IWS1: variants seen among roughly 807,000 people sequenced by gnomAD.
IWS1 encodes protein IWS1 homolog.
In IWS1, 27 loss-of-function variants were observed where a neutral mutation model predicts 86.7. That is an observed-to-expected ratio of 0.31 (90% CI 0.23 to 0.43). IWS1 has a LOEUF of 0.43. Among genes scored for constraint, IWS1 ranks in the 20% least tolerant of loss-of-function variants. The probability of loss-of-function intolerance (pLI) is 1.00; values close to 1 mark genes in which losing one functional copy is unlikely to be tolerated. For synonymous variants in IWS1, 313 were observed against 335.1 expected, an observed-to-expected ratio of 0.93 and a Z score of 0.72; for missense variants, 827 against 1,000.8, an observed-to-expected ratio of 0.83 and a Z score of 2.34.
At chr2:127,497,893 G>A (rs1401737463) in intron 6 of IWS1, among the ~76,000 whole-genome samples, 2 of 152,166 alleles carry the variant, frequency 1.3e-5, no homozygotes, top group Admixed American at 6.5e-5. Context: ...TTTACTTGGT[G>A]AGCCATAAAT....
intron 5 of IWS1, among the ~76,000 whole-genome samples, chr2:127,500,323 TTC>T (rs1294805441): frequency 1.3e-5 from 2 of 152,222 alleles, no homozygotes; most frequent in African/African-American, 4.8e-5. Context: ...GATCTGCTTC[TTC>T]TGTCAGTTAC....
chr2:127,526,582 C>T (rs2104757579), upstream of IWS1: 1 of 1,385,078 alleles, frequency 7.2e-7, no homozygotes, highest in Non-Finnish European at 9.6e-7. Flanking sequence ...CAGGCACGGC[C>T]GGAAAGGAGA....
At chr2:127,520,036 T>G (rs1039078466) in intron 2 of IWS1, among the ~76,000 whole-genome samples, 1 of 152,226 alleles carries the variant, frequency 6.6e-6, no homozygotes, top group Non-Finnish European at 1.5e-5. Context: ...CATTTTGGAC[T>G]TGACCTCCAG....
intron 2 of IWS1, 76 bp downstream of exon 2, chr2:127,523,600 C>G: frequency 1.1e-6 from 1 of 936,828 alleles, no homozygotes; most frequent in Non-Finnish European, 1.7e-6. Flanking sequence ...CACAGAGATT[C>G]TGTAACTCCT....
chr2:127,520,454 ACCACG>A (rs1385949604), intron 2 of IWS1, among the ~76,000 whole-genome samples: 1 of 152,248 alleles, frequency 6.6e-6, no homozygotes, highest in Non-Finnish European at 1.5e-5. Flanking sequence ...GGCAAGGGCC[ACCACG>A]CCCGGCCTTT....
rs756069439 is a variant in IWS1 at position 127,523,716 on chromosome 2, T to C, written c.110A>G (p.His37Arg). The C allele has an allele frequency of 3.7e-6, 6 of 1,613,830 alleles. No homozygotes were observed. The highest frequency in any genetic ancestry group is 5.1e-6 in the Non-Finnish European group (6 of 1,179,910). ...TACACTTCCAGTGTCTGATCCGGAG[T>C]GTTGCTCATTTACATCATCCTCACC... Reference protein sequence around the residue: ...SDGEDDVNEQHSGSDTGSVER... With the variant: ...SDGEDDVNEQRSGSDTGSVER... Residue 37 changes from histidine to arginine, a missense_variant, in exon 2 of 14, where the codon CAC (histidine) becomes CGC (arginine). Physicochemically the swap from His to Arg is conservative, Grantham distance 29 (BLOSUM62 0). Transcript: ENST00000295321.
At chr2:127,520,053 A>T (rs1692006744) in intron 2 of IWS1, among the ~76,000 whole-genome samples, 2 of 152,172 alleles carry the variant, frequency 1.3e-5, no homozygotes, top group African/African-American at 4.8e-5. Context: ...CCAGAATTAT[A>T]AGATAATAAT....
At chr2:127,490,645 C>T (rs1029795328) in intron 10 of IWS1, among the ~76,000 whole-genome samples, 8 of 152,152 alleles carry the variant, frequency 5.3e-5, no homozygotes, top group African/African-American at 1.7e-4. Context: ...AGGGGGTCCA[C>T]GTATCTTTTA....
At chr2:127,506,466 A>G (rs1235326316) in intron 2 of IWS1, among the ~76,000 whole-genome samples, 1 of 152,230 alleles carries the variant, frequency 6.6e-6, no homozygotes, top group Non-Finnish European at 1.5e-5. Flanking sequence ...CTTGGGTTTT[A>G]TAAGGTTAAG....
chr2:127,512,062 T>C (rs1385782458), intron 2 of IWS1, among the ~76,000 whole-genome samples: 2 of 152,208 alleles, frequency 1.3e-5, no homozygotes, highest in South Asian at 2.1e-4. Context: ...CAGAGAACCA[T>C]GAGAAGCCAG....
chr2:127,497,229 C>A (rs376717460), intron 6 of IWS1, among the ~76,000 whole-genome samples: 110 of 152,288 alleles, frequency 7.2e-4, no homozygotes, highest in African/African-American at 2.6e-3. Flanking sequence ...TCGCTAATAG[C>A]CCGGAACTTT....
At chr2:127,522,750 A>G (rs1288771996) in intron 2 of IWS1, among the ~76,000 whole-genome samples, 1 of 152,252 alleles carries the variant, frequency 6.6e-6, no homozygotes, top group East Asian at 1.9e-4. Flanking sequence ...CCAAAGACTT[A>G]CGGCGAACTT....
intron 1 of IWS1, among the ~76,000 whole-genome samples, chr2:127,525,154 T>C (rs1009453577): frequency 1.3e-5 from 2 of 148,616 alleles, no homozygotes; most frequent in East Asian, 4.0e-4. Flanking sequence ...GTGGTGTTGG[T>C]CTCACTATGT....
Position 127,505,068 on chromosome 2 carries a change from C to T in IWS1, c.835G>A (p.Glu279Lys). The change falls in exon 3 of 14, where the codon GAG becomes AAG. Residue 279 changes from glutamate to lysine, a missense_variant. By Grantham distance (56) the Glu-to-Lys change is moderately conservative (BLOSUM62 1). Transcript: ENST00000295321. This position sits in a 1 kb window ranked among gnomAD's most constrained non-coding sequence, Gnocchi z 5.0. Reference sequence around the variant, plus strand: ...CTGGCCTGGTTCCTTGGGGGATCCTCACTTTCCGAATCACTGATTCGGGGT... The same window carrying T: ...CTGGCCTGGTTCCTTGGGGGATCCTTACTTTCCGAATCACTGATTCGGGGT... Reference protein sequence around the residue: ...PKPRISDSESEDPPRNQASDS... With the variant: ...PKPRISDSESKDPPRNQASDS... The T allele has an allele frequency of 6.2e-7, 1 of 1,612,274 alleles. No homozygotes were observed. Among genetic ancestry groups the T allele is most frequent in the Non-Finnish European group, 8.5e-7 (1 of 1,179,468 alleles).
rs1558777838 is a variant in IWS1 at position 127,526,463 on chromosome 2, A to G, written c.-255T>C. 1 of 1,531,420 alleles carries G rather than the reference A, an allele frequency of 6.5e-7. No homozygotes were observed. Among genetic ancestry groups the G allele is most frequent in the Non-Finnish European group, 8.8e-7 (1 of 1,138,034 alleles). 94.9% of individuals were successfully genotyped at this position (1,531,420 alleles called of 1,614,324 possible). On this transcript the variant is annotated 5_prime_UTR_variant, in exon 1 of 14. Transcript: ENST00000295321. ...GCGAGCCGGCGTTCTACTTCCTAGA[A>G]GCACCGCTGGGGCCAAAATGGCGTC...
intron 13 of IWS1, among the ~76,000 whole-genome samples, chr2:127,483,600 T>TGGGGGGGGG (rs1558736829): frequency 1.7e-4 from 1 of 5,880 alleles, no homozygotes; most frequent in African/African-American, 4.0e-4. Flanking sequence ...GTGGGGGGGT[T>TGGGGGGGGG]GGGCTGTGTG....
intron 5 of IWS1, among the ~76,000 whole-genome samples, chr2:127,500,336 A>G (rs1040749103): frequency 6.6e-6 from 1 of 152,088 alleles, no homozygotes; most frequent in African/African-American, 2.4e-5. Flanking sequence ...TGTCAGTTAC[A>G]TTTCTCTTAG....
chr2:127,496,231 T>C (rs1690504789), intron 6 of IWS1, 83 bp from the exon 7 acceptor site: 1 of 1,401,204 alleles, frequency 7.1e-7, no homozygotes, highest in Non-Finnish European at 9.7e-7. Context: ...GAACACCAAA[T>C]TTCTTAATTC....
At chr2:127,482,289 A>C (rs753198677) in intron 13 of IWS1, 1 of 152,200 alleles carries the variant, frequency 6.6e-6, no homozygotes, top group African/African-American at 2.4e-5. Flanking sequence ...CTATGACATG[A>C]AGCCAGCTGA....
Sources: gnomAD v4.1 joint callset for allele counts (sites outside exome capture counted in the v4.1 genomes callset) on GRCh38, gnomAD v4.1.1 for gene constraint, Gnocchi (gnomAD v3.1) non-coding constraint, MANE v1.5 for transcripts, NCBI Gene and HGNC (gene_info 2026-07-23, HGNC 2026-07-21) for gene names.